The following BCL2L2 variants were observed in gnomAD, a reference collection of about 807,000 sequenced individuals.
The protein encoded by BCL2L2 is bcl-2-like protein 2.
In BCL2L2, 6 loss-of-function variants were observed where a neutral mutation model predicts 14.6. The ratio of observed to expected loss-of-function variants is 0.41; its 90% CI spans 0.22 to 0.81. The LOEUF (loss-of-function observed/expected upper bound fraction) is 0.81. BCL2L2 is among the 30% of genes least tolerant of loss of function. The probability of loss-of-function intolerance (pLI) is 0.32; values close to 1 mark genes in which losing one functional copy is unlikely to be tolerated. For synonymous variants in BCL2L2, 90 were observed against 108.5 expected, an observed-to-expected ratio of 0.83 and a Z score of 1.06; for missense variants, 191 against 260.5, an observed-to-expected ratio of 0.73 and a Z score of 1.84.
chr14:23,309,883 T>C lies in BCL2L2; in HGVS notation c.*918T>C. ...TAAAGTGTTTCCAATCTCTGGGACC[T>C]CTGTACCCAAACTGAAACTCTAAAT... is the stretch of plus-strand genomic sequence containing the variant. On this transcript the variant is annotated 3_prime_UTR_variant, in exon 4 of 4. Transcript: ENST00000250405. 1 of 985,482 alleles carries C rather than the reference T, an allele frequency of 1.0e-6. No homozygotes were observed. Among genetic ancestry groups the C allele is most frequent in the Non-Finnish European group, 1.2e-6 (1 of 829,964 alleles). The allele number at this position is 985,482 out of a possible 1,614,324, so 61.0% of individuals were successfully genotyped here.
Position 23,311,076 on chromosome 14 carries a change from G to A in BCL2L2, c.*2111G>A. On this transcript the variant is annotated 3_prime_UTR_variant, in exon 4 of 4. Transcript: ENST00000250405. The stretch of plus-strand genomic sequence containing the variant: ...GAGGAGCTGCAGGGACCATGGCCAG[G>A]TTACCAAAATGCCCTGCTCTGAAGC... 7.8e-7 allele frequency: 1 copy of A among 1,289,320 alleles called. No individual in the cohort carries two copies. 79.9% of individuals were successfully genotyped at this position (1,289,320 alleles called of 1,614,324 possible).
In BCL2L2 at chr14:23,310,041, G is replaced by A. The variant is rs1158528908; in HGVS notation, c.*1076G>A. 1 of 985,398 alleles carries A rather than the reference G, an allele frequency of 1.0e-6. No homozygotes were observed. Among genetic ancestry groups the A allele is most frequent in the Non-Finnish European group, 1.2e-6 (1 of 830,044 alleles). 61.0% of individuals were successfully genotyped at this position (985,398 alleles called of 1,614,324 possible). On this transcript the variant is annotated 3_prime_UTR_variant, in exon 4 of 4. Transcript: ENST00000250405. ...GACCATTTCAGATCTGAATCCCATG[G>A]GTGTGAGGGTGATGGGTACTCCAGG...
Position 23,310,585 on chromosome 14 carries a change from A to G in BCL2L2, c.*1620A>G. 9.3e-7 allele frequency: 1 copy of G among 1,070,200 alleles called. No homozygotes were observed. Among genetic ancestry groups the G allele is most frequent in the Non-Finnish European group, 1.1e-6 (1 of 881,146 alleles). 66.3% of individuals were successfully genotyped at this position (1,070,200 alleles called of 1,614,324 possible). ...GGCTGCACTTTTTCATGGTATTTCT[A>G]GGGGAGGTGGTAGGCTGCATGTGCC... is the stretch of plus-strand genomic sequence containing the variant. On this transcript the variant is annotated 3_prime_UTR_variant, in exon 4 of 4. Transcript: ENST00000250405.
Position 23,310,501 on chromosome 14 carries a change from C to T in BCL2L2, c.*1536C>T. 9.7e-7 allele frequency: 1 copy of T among 1,036,220 alleles called. No homozygotes were observed. The highest frequency in any genetic ancestry group is 1.2e-6 in the Non-Finnish European group (1 of 861,312). 64.2% of individuals were successfully genotyped at this position (1,036,220 alleles called of 1,614,324 possible). The stretch of plus-strand genomic sequence containing the variant: ...AATGTGGCAACGTAGTTGTGCTCGC[C>T]AGAACGTGGGACCAAATTGGCCTCA... On this transcript the variant is annotated 3_prime_UTR_variant, in exon 4 of 4. Coordinates refer to ENST00000250405, the MANE Select transcript of BCL2L2 (RefSeq NM_004050.5).
In BCL2L2 at chr14:23,310,678, G is replaced by T. The variant is rs1459339150; in HGVS notation, c.*1713G>T. The T allele has an allele frequency of 2.6e-6, 3 of 1,142,980 alleles. No individual in the cohort carries two copies. The highest frequency in any genetic ancestry group is 3.3e-6 in the Non-Finnish European group (3 of 921,380). The allele number at this position is 1,142,980 out of a possible 1,614,324, so 70.8% of individuals were successfully genotyped here. ...CCAGCTTGTGGCAAGCAGTTGGGGT[G>T]GGGGGTCTCTGACTTGCTCAGGACA... On this transcript the variant is annotated 3_prime_UTR_variant, in exon 4 of 4. Transcript: ENST00000250405.
chr14:23,309,392 G>A lies in BCL2L2; in HGVS notation c.*427G>A. ...GAAGCTTAGGGGTTCTCAGGTGATA[G>A]GGAGAGGTGGCTGTTAACAGTGGGC... is the stretch of plus-strand genomic sequence containing the variant. On this transcript the variant is annotated 3_prime_UTR_variant, in exon 4 of 4. Coordinates refer to ENST00000250405, the MANE Select transcript of BCL2L2 (RefSeq NM_004050.5). 4 of 997,300 alleles carry A rather than the reference G, an allele frequency of 4.0e-6. No individual in the cohort carries two copies. Among genetic ancestry groups the A allele is most frequent in the Non-Finnish European group, 4.8e-6 (4 of 838,098 alleles). 61.8% of individuals were successfully genotyped at this position (997,300 alleles called of 1,614,324 possible).
intron 2 of BCL2L2, 47 bp from the exon 3 acceptor site, chr14:23,307,711 ATT>A: frequency 6.6e-7 from 1 of 1,507,044 alleles, no homozygotes; most frequent in East Asian, 2.3e-5. Context: ...GCTCCTTCTG[ATT>A]CTCTCTTCAT....
rs1887546465 is a variant in BCL2L2, at chr14:23,310,542, CTT to C, written c.*1578_*1579del. 9.4e-7 allele frequency: 1 copy of C among 1,058,868 alleles called. No individual in the cohort carries two copies. Among genetic ancestry groups the C allele is most frequent in the African/African-American group, 1.7e-5 (1 of 57,798 alleles). The allele number at this position is 1,058,868 out of a possible 1,614,324, so 65.6% of individuals were successfully genotyped here. A position where few individuals can be genotyped will look rare whatever the true frequency, so the allele number is the denominator to read the frequency against. On this transcript the variant is annotated 3_prime_UTR_variant, in exon 4 of 4. Transcript: ENST00000250405. ...ATTGGCCTCAGGTGTTGAGTCCAGA[CTT>C]CTGCTTTTGAGAGAGGGCTGCACTT...
chr14:23,311,185 G>T lies in BCL2L2; in HGVS notation c.*2220G>T, dbSNP rs1887593966. 1 of 1,267,974 alleles carries T rather than the reference G, an allele frequency of 7.9e-7. No homozygotes were observed. The highest frequency in any genetic ancestry group is 5.6e-5 in the East Asian group (1 of 17,942). The allele number at this position is 1,267,974 out of a possible 1,614,324, so 78.5% of individuals were successfully genotyped here. ...ATTCCCAGAAGCATAGCTTAGATGG[G>T]ACCACAGTGGGCAATTTTGACCTGT... On this transcript the variant is annotated 3_prime_UTR_variant, in exon 4 of 4. Coordinates refer to ENST00000250405, the MANE Select transcript of BCL2L2 (RefSeq NM_004050.5).
Position 23,311,437 on chromosome 14 carries a change from A to G in BCL2L2, c.*2472A>G. 1 of 1,065,324 alleles carries G rather than the reference A, an allele frequency of 9.4e-7. No homozygotes were observed. Among genetic ancestry groups the G allele is most frequent in the East Asian group, 1.0e-4 (1 of 9,658 alleles). 66.0% of individuals were successfully genotyped at this position (1,065,324 alleles called of 1,614,324 possible). On this transcript the variant is annotated 3_prime_UTR_variant, in exon 4 of 4. Coordinates refer to ENST00000250405, the MANE Select transcript of BCL2L2 (RefSeq NM_004050.5). ...AGGAGAGGGGTTTCTTGCTCTCCAG[A>G]GCCCAAAGGGACAAATAGGGACTTT... is the stretch of plus-strand genomic sequence containing the variant.
chr14:23,309,609 G>A lies in BCL2L2; in HGVS notation c.*644G>A, dbSNP rs1353656895. On this transcript the variant is annotated 3_prime_UTR_variant, in exon 4 of 4. Coordinates refer to ENST00000250405, the MANE Select transcript of BCL2L2 (RefSeq NM_004050.5). ...TTGTCCTGATGCCTCAAGGCTTAGA[G>A]AGAAACATTGTATCCAGACCGAGGG... 1 of 985,450 alleles carries A rather than the reference G, an allele frequency of 1.0e-6. No homozygotes were observed. The highest frequency in any genetic ancestry group is 1.2e-6 in the Non-Finnish European group (1 of 830,022). 61.0% of individuals were successfully genotyped at this position (985,450 alleles called of 1,614,324 possible).
Position 23,311,620 on chromosome 14 carries a change from TAAATATA to T in BCL2L2, c.*2658_*2664del. On this transcript the variant is annotated 3_prime_UTR_variant, in exon 4 of 4. Coordinates refer to ENST00000250405, the MANE Select transcript of BCL2L2 (RefSeq NM_004050.5). ...TAGTTTAGAAGAAAAGAAAGCTCTA[TAAATATA>T]AATCTATATTCCTGTATTTTTATTT... 1.0e-6 allele frequency: 1 copy of T among 956,234 alleles called. No individual in the cohort carries two copies. Among genetic ancestry groups the T allele is most frequent in the Non-Finnish European group, 1.2e-6 (1 of 803,414 alleles). The allele number at this position is 956,234 out of a possible 1,614,324, so 59.2% of individuals were successfully genotyped here. A position where few individuals can be genotyped will look rare whatever the true frequency, so the allele number is the denominator to read the frequency against.
Position 23,308,764 on chromosome 14 carries a change from T to C in BCL2L2, c.433-52T>C. On this transcript the variant is annotated intron_variant, in intron 3 of 3. Transcript: ENST00000250405. The surrounding 1 kb of genome is among the most constrained non-coding windows in gnomAD (Gnocchi z 5.4). Reference sequence around the variant, plus strand: ...CTCCTCTTCTCTCCACTCTTTCCTCTCCTGATATCCCTTTCTCCTTCTTTC... The same window carrying C: ...CTCCTCTTCTCTCCACTCTTTCCTCCCCTGATATCCCTTTCTCCTTCTTTC... 2 of 1,280,640 alleles carry C rather than the reference T, an allele frequency of 1.6e-6. No individual in the cohort carries two copies. The highest frequency in any genetic ancestry group is 2.0e-6 in the Non-Finnish European group (2 of 990,392). 79.3% of individuals were successfully genotyped at this position (1,280,640 alleles called of 1,614,324 possible).
At position 23,310,481 on chromosome 14, in the gene BCL2L2, G is replaced by A; in HGVS notation, c.*1516G>A. 1.9e-6 allele frequency: 2 copies of A among 1,028,734 alleles called. No homozygotes were observed. Among genetic ancestry groups the A allele is most frequent in the Non-Finnish European group, 2.3e-6 (2 of 857,058 alleles). 63.7% of individuals were successfully genotyped at this position (1,028,734 alleles called of 1,614,324 possible). A position where few individuals can be genotyped will look rare whatever the true frequency, so the allele number is the denominator to read the frequency against. ...AGATTTTCACTTGGTCCTAGAATGT[G>A]GCAACGTAGTTGTGCTCGCCAGAAC... On this transcript the variant is annotated 3_prime_UTR_variant, in exon 4 of 4. Coordinates refer to ENST00000250405, the MANE Select transcript of BCL2L2 (RefSeq NM_004050.5).
At position 23,311,612 on chromosome 14, in the gene BCL2L2, A is replaced by G. The variant is rs772322328; in HGVS notation, c.*2647A>G. 502 of 963,260 alleles carry G rather than the reference A, an allele frequency of 5.2e-4. No individual in the cohort carries two copies. Among genetic ancestry groups the G allele is most frequent in the Non-Finnish European group, 5.9e-4 (480 of 809,950 alleles). The allele number at this position is 963,260 out of a possible 1,614,324, so 59.7% of individuals were successfully genotyped here. On this transcript the variant is annotated 3_prime_UTR_variant, in exon 4 of 4. Coordinates refer to ENST00000250405, the MANE Select transcript of BCL2L2 (RefSeq NM_004050.5). ...GATTTGGTTAGTTTAGAAGAAAAGAAAGCTCTATAAATATAAATCTATATT... is the reference window on the plus strand; with the variant it reads ...GATTTGGTTAGTTTAGAAGAAAAGAGAGCTCTATAAATATAAATCTATATT...
At position 23,310,560 on chromosome 14, in the gene BCL2L2, G is replaced by A. The variant is rs1237338433; in HGVS notation, c.*1595G>A. ...GTCCAGACTTCTGCTTTTGAGAGAG[G>A]GCTGCACTTTTTCATGGTATTTCTA... On this transcript the variant is annotated 3_prime_UTR_variant, in exon 4 of 4. Transcript: ENST00000250405. The A allele has an allele frequency of 1.9e-6, 2 of 1,067,326 alleles. No homozygotes were observed. The highest frequency in any genetic ancestry group is 1.0e-4 in the Admixed American group (2 of 20,002). The allele number at this position is 1,067,326 out of a possible 1,614,324, so 66.1% of individuals were successfully genotyped here. A position where few individuals can be genotyped will look rare whatever the true frequency, so the allele number is the denominator to read the frequency against.
At position 23,311,330 on chromosome 14, in the gene BCL2L2, G is replaced by C. The variant is rs1443792841; in HGVS notation, c.*2365G>C. ...GCTCTTGGCCAAGAAGGCTGAGTAT[G>C]GTTCCCAATTTTTAAATCCATTTCA... On this transcript the variant is annotated 3_prime_UTR_variant, in exon 4 of 4. Transcript: ENST00000250405. 9.2e-7 allele frequency: 1 copy of C among 1,081,564 alleles called. No individual in the cohort carries two copies. Among genetic ancestry groups the C allele is most frequent in the Non-Finnish European group, 1.1e-6 (1 of 888,022 alleles). The allele number at this position is 1,081,564 out of a possible 1,614,324, so 67.0% of individuals were successfully genotyped here. A position where few individuals can be genotyped will look rare whatever the true frequency, so the allele number is the denominator to read the frequency against.
In BCL2L2 at chr14:23,309,276, C is replaced by G; in HGVS notation, c.*311C>G. The G allele has an allele frequency of 8.7e-7, 1 of 1,149,430 alleles. No homozygotes were observed. The highest frequency in any genetic ancestry group is 1.1e-6 in the Non-Finnish European group (1 of 935,350). The allele number at this position is 1,149,430 out of a possible 1,614,324, so 71.2% of individuals were successfully genotyped here. A position where few individuals can be genotyped will look rare whatever the true frequency, so the allele number is the denominator to read the frequency against. ...ATGAAACGACCTGGAACTTGCTTCA[C>G]AGCCCTGAGGAAGGTGGACTTACAT... On this transcript the variant is annotated 3_prime_UTR_variant, in exon 4 of 4. Coordinates refer to ENST00000250405, the MANE Select transcript of BCL2L2 (RefSeq NM_004050.5).
rs746534702 is a variant in BCL2L2, at chr14:23,308,859, C to T, written c.476C>T (p.Ala159Val). The T allele has an allele frequency of 3.0e-6, 4 of 1,319,912 alleles. No homozygotes were observed. Among genetic ancestry groups the T allele is most frequent in the Admixed American group, 3.0e-5 (1 of 32,830 alleles). The allele number at this position is 1,319,912 out of a possible 1,614,324, so 81.8% of individuals were successfully genotyped here. ...ALYGDGALEE[A>V]RRLREGNWAS... ...TACGGGGACGGGGCCCTGGAGGAGGCGCGGCGTCTGCGGGAGGGGAACTGG... is the reference window on the plus strand; with the variant it reads ...TACGGGGACGGGGCCCTGGAGGAGGTGCGGCGTCTGCGGGAGGGGAACTGG... The change falls in exon 4 of 4, where the codon GCG (alanine) becomes GTG (valine). Residue 159 changes from alanine (A) to valine (V), a missense_variant. Physicochemically the swap from Ala to Val is moderately conservative, Grantham distance 64 (BLOSUM62 0). Coordinates refer to ENST00000250405, the MANE Select transcript of BCL2L2 (RefSeq NM_004050.5). This position sits in a 1 kb window ranked among gnomAD's most constrained non-coding sequence, Gnocchi z 5.4.
Sources: allele counts gnomAD v4.1 joint callset, GRCh38; gene constraint gnomAD v4.1.1; non-coding constraint Gnocchi (gnomAD v3.1); transcripts MANE v1.5; gene names NCBI Gene and HGNC (gene_info 2026-07-23, HGNC 2026-07-21).